The following PATE1 variants were observed in gnomAD, a reference collection of about 807,000 sequenced individuals.
PATE1 encodes prostate and testis expressed protein 1.
Under a neutral mutation model 13.1 loss-of-function variants are expected in PATE1, and 21 were observed. The observed-to-expected ratio is 1.61, with a 90% confidence interval of 1.14 to 2.31. The LOEUF (loss-of-function observed/expected upper bound fraction) is 2.31, where lower values mean the gene tolerates loss of function less well. Among genes scored for constraint, PATE1 ranks in the 30% most tolerant of loss-of-function variants. The probability of loss-of-function intolerance (pLI) is 0.00; values close to 1 mark genes in which losing one functional copy is unlikely to be tolerated. For missense variants in PATE1, 166 were observed against 147.2 expected (o/e 1.13, Z -0.66); for synonymous variants, 52 against 47.1 (o/e 1.10, Z -0.43).
intron 4 of PATE1, 132 bp downstream of exon 4, chr11:125,747,954 C>A: frequency 7.6e-7 from 1 of 1,320,830 alleles, no homozygotes; most frequent in East Asian, 2.4e-5. Flanking sequence ...CTGATTCCTT[C>A]ATCCCCATCA....
chr11:125,749,144 G>A lies in PATE1; in HGVS notation c.*411G>A, dbSNP rs1191980756. Reference sequence around the variant, plus strand: ...TTTTTCAAATTTTTTTCCTTTCTGTGTTATCCTTCTTATCCCACTCCAAAG... The same window carrying A: ...TTTTTCAAATTTTTTTCCTTTCTGTATTATCCTTCTTATCCCACTCCAAAG... On this transcript the variant is annotated 3_prime_UTR_variant, in exon 5 of 5. Coordinates refer to ENST00000305738, the MANE Select transcript of PATE1 (RefSeq NM_138294.3). 1 of 154,020 alleles carries A rather than the reference G, an allele frequency of 6.5e-6. No individual in the cohort carries two copies. The highest frequency in any genetic ancestry group is 1.4e-5 in the Non-Finnish European group (1 of 69,534). 9.5% of individuals were successfully genotyped at this position (154,020 alleles called of 1,614,324 possible). A position where few individuals can be genotyped will look rare whatever the true frequency, so the allele number is the denominator to read the frequency against.
chr11:125,746,785 A>G, intron 2 of PATE1, 89 bp downstream of exon 2: 1 of 1,386,042 alleles, frequency 7.2e-7, no homozygotes. Flanking sequence ...GGGCCAAAAA[A>G]AACCAAAATA....
At chr11:125,746,561 G>A in intron 1 of PATE1, 100 bp from the exon 2 acceptor site, 3 of 1,463,900 alleles carry the variant, frequency 2.0e-6, no homozygotes, top group Non-Finnish European at 1.9e-6. Flanking sequence ...GGGGGAAATA[G>A]GTAGATTAGA....
intron 1 of PATE1, 32 bp downstream of exon 1, chr11:125,746,388 T>A: frequency 6.2e-7 from 1 of 1,608,856 alleles, no homozygotes; most frequent in Non-Finnish European, 8.5e-7. Flanking sequence ...CTGGTAAGAG[T>A]CCTGAATTTA....
intron 2 of PATE1, 85 bp from the exon 3 acceptor site, chr11:125,747,291 C>A: frequency 7.7e-7 from 1 of 1,299,268 alleles, no homozygotes; most frequent in Non-Finnish European, 1.1e-6. Flanking sequence ...GCAGGATGGA[C>A]CCTGAAGGGC....
At chr11:125,746,869 G>A (rs994507802) in intron 2 of PATE1, among the ~76,000 whole-genome samples, 173 bp downstream of exon 2, 1 of 152,156 alleles carries the variant, frequency 6.6e-6, no homozygotes, top group Non-Finnish European at 1.5e-5. Context: ...CTGATTTTAG[G>A]TTTGACAAAA....
rs762680703 is a variant in PATE1, at chr11:125,747,705, G to T, written c.130G>T (p.Glu44Ter). 3 of 1,613,476 alleles carry T rather than the reference G, an allele frequency of 1.9e-6. No homozygotes were observed. Among genetic ancestry groups the T allele is most frequent in the Middle Eastern group, 1.7e-4 (1 of 6,018 alleles). Reference sequence around the variant, plus strand: ...TTCCCCTCTCTCTGGCCAAGTGATAGAAATTGTTCAGTGTAGGATGTGCCA... The same window carrying T: ...TTCCCCTCTCTCTGGCCAAGTGATATAAATTGTTCAGTGTAGGATGTGCCA... ...VAVKNNFPVIEIVQCRMCHLQ... is the reference protein window; with the variant it reads ...VAVKNNFPVI Residue 44 changes from glutamate to a stop codon, truncating the protein, a stop_gained, in exon 4 of 5, where the codon GAA (glutamate) becomes TAA (stop). Transcript: ENST00000305738. LOFTEE classifies it high-confidence loss of function.
chr11:125,747,355 T>C (rs1216243533), intron 2 of PATE1, 21 bp from the exon 3 acceptor site: 2 of 1,609,046 alleles, frequency 1.2e-6, no homozygotes, highest in Non-Finnish European at 1.7e-6. Flanking sequence ...CAGATGTGTT[T>C]TCTTTCTCTT....
intron 1 of PATE1, 122 bp downstream of exon 1, chr11:125,746,478 A>G: frequency 7.5e-7 from 1 of 1,334,988 alleles, no homozygotes; most frequent in Non-Finnish European, 1.1e-6. Flanking sequence ...CTTCTGTTCT[A>G]ATGTTATGCC....
rs1462225681 is a variant in PATE1, at chr11:125,746,713, AAGTGGT to A, written c.88+19_88+24del. 1 of 1,613,186 alleles carries A rather than the reference AAGTGGT, an allele frequency of 6.2e-7. No individual in the cohort carries two copies. On this transcript the variant is annotated intron_variant, in intron 2 of 4. Coordinates refer to ENST00000305738, the MANE Select transcript of PATE1 (RefSeq NM_138294.3). ...ATGATGCAGGTGAGTAGGAATAGATAAGTGGTATGAGAAGGGGAAGGTCTGAGGAGG... is the reference window on the plus strand; with the variant it reads ...ATGATGCAGGTGAGTAGGAATAGATAATGAGAAGGGGAAGGTCTGAGGAGG...
chr11:125,748,000 A>T, intron 4 of PATE1, 178 bp downstream of exon 4: 1 of 949,006 alleles, frequency 1.1e-6, no homozygotes, highest in East Asian at 2.7e-5. Context: ...GGTGGTCACT[A>T]AGGAGGGTGG....
chr11:125,748,466 A>G (rs1299188309), intron 4 of PATE1, 134 bp from the exon 5 acceptor site: 4 of 1,115,380 alleles, frequency 3.6e-6, no homozygotes, highest in Non-Finnish European at 5.0e-6. Context: ...AACATCTTCC[A>G]GTTCTTTACA....
intron 2 of PATE1, 63 bp downstream of exon 2, chr11:125,746,759 G>A (rs376420997): frequency 3.8e-4 from 606 of 1,584,500 alleles, no homozygotes; most frequent in Non-Finnish European, 5.0e-4. Context: ...GATGAGTGGG[G>A]TGAGGTGAGC....
intron 1 of PATE1, 144 bp from the exon 2 acceptor site, chr11:125,746,517 G>A: frequency 7.7e-7 from 1 of 1,294,664 alleles, no homozygotes; most frequent in Middle Eastern, 1.9e-4. Flanking sequence ...ATGTCCCCAG[G>A]ACCTTAACTA....
chr11:125,748,818 AC>A lies in PATE1; in HGVS notation c.*86del. The A allele has an allele frequency of 1.6e-6, 2 of 1,276,656 alleles. No individual in the cohort carries two copies. The highest frequency in any genetic ancestry group is 1.5e-5 in the South Asian group (1 of 68,648). 79.1% of individuals were successfully genotyped at this position (1,276,656 alleles called of 1,614,324 possible). A position where few individuals can be genotyped will look rare whatever the true frequency, so the allele number is the denominator to read the frequency against. On this transcript the variant is annotated 3_prime_UTR_variant, in exon 5 of 5. Transcript: ENST00000305738. ...ACAATGACTTTCTAAAAAAAATCAC[AC>A]ACACACACACACACACTACAGAAGA...
intron 4 of PATE1, 114 bp downstream of exon 4, chr11:125,747,936 TG>T (rs915447243): frequency 1.4e-6 from 2 of 1,445,236 alleles, no homozygotes; most frequent in African/African-American, 2.8e-5. Flanking sequence ...GTCTCATACC[TG>T]GGATGGCTGA....
In PATE1 at chr11:125,748,593, T is replaced by A. The variant is rs1215392747; in HGVS notation, c.248-7T>A. 1.9e-6 allele frequency: 3 copies of A among 1,612,586 alleles called. No homozygotes were observed. The highest frequency in any genetic ancestry group is 3.3e-5 in the Admixed American group (2 of 59,754). On this transcript the variant is annotated splice_region_variant and splice_polypyrimidine_tract_variant and intron_variant, in intron 4 of 4. Transcript: ENST00000305738. ...GCTTCCTGATCTGTTTTTTCTCCCC[T>A]CCACAGGGGATGGTAATCCCTGGTT...
In PATE1 at chr11:125,749,654, C is replaced by A. The variant is rs1463291691; in HGVS notation, c.*921C>A. 2 of 152,082 alleles carry A rather than the reference C, an allele frequency of 1.3e-5. No homozygotes were observed. Among genetic ancestry groups the A allele is most frequent in the African/African-American group, 4.8e-5 (2 of 41,406 alleles). The allele number at this position is 152,082 out of a possible 1,614,324, so 9.4% of individuals were successfully genotyped here. ...CCATGACCCCAGATGCCTCTCCCACCCTTACCTCCATCTCACACACTTGAG... is the reference window on the plus strand; with the variant it reads ...CCATGACCCCAGATGCCTCTCCCACACTTACCTCCATCTCACACACTTGAG... On this transcript the variant is annotated 3_prime_UTR_variant, in exon 5 of 5. Transcript: ENST00000305738.
chr11:125,746,925 G>A (rs911502420), intron 2 of PATE1, among the ~76,000 whole-genome samples: 6 of 152,112 alleles, frequency 3.9e-5, no homozygotes, highest in African/African-American at 1.2e-4. Flanking sequence ...CGTCAGTGAA[G>A]GGCAAGGAAA....
Sources: allele counts gnomAD v4.1 joint callset (sites outside exome capture counted in the v4.1 genomes callset), GRCh38; gene constraint gnomAD v4.1.1; transcripts MANE v1.5; gene names NCBI Gene and HGNC (gene_info 2026-07-23, HGNC 2026-07-21).